The following RALGAPA2 variants were observed in gnomAD, a reference collection of about 807,000 sequenced individuals.
The protein encoded by RALGAPA2 is Ral GTPase activating protein catalytic subunit alpha 2, also known as ral GTPase-activating protein subunit alpha-2.
A neutral mutation model predicts 230.4 loss-of-function variants in RALGAPA2; 139 were observed. The ratio of observed to expected loss-of-function variants is 0.60; its 90% CI spans 0.53 to 0.69. The LOEUF (loss-of-function observed/expected upper bound fraction) is 0.69, where lower values mean the gene tolerates loss of function less well. Ranked by LOEUF, RALGAPA2 falls within the 30% of genes least tolerant of loss-of-function variation. RALGAPA2 has a pLI of 0.00. For synonymous variants in RALGAPA2, 847 were observed against 837.8 expected, an observed-to-expected ratio of 1.01 and a Z score of -0.19; for missense variants, 2,163 against 2,276.0, an observed-to-expected ratio of 0.95 and a Z score of 1.01.
At chr20:20,462,697 G>A (rs2061330971) in intron 37 of RALGAPA2, among the ~76,000 whole-genome samples, 1 of 152,186 alleles carries the variant, frequency 6.6e-6, no homozygotes, top group Non-Finnish European at 1.5e-5. Context: ...AAATTTACTT[G>A]AGTGTGTTGC....
intron 36 of RALGAPA2, among the ~76,000 whole-genome samples, chr20:20,481,919 T>C (rs1454694062): frequency 6.6e-6 from 1 of 152,154 alleles, no homozygotes; most frequent in Non-Finnish European, 1.5e-5. Flanking sequence ...CGAAAGCGTG[T>C]TGCAAATAGT....
chr20:20,532,296 C>G lies in RALGAPA2; in HGVS notation c.3474-501G>C, dbSNP rs565865537. ...AATAAATTTCACTGTTAATTCTTCT[C>G]AACAGTGTGCTAGGACCAGATATTC... On this transcript the variant is annotated intron_variant, in intron 26 of 39. Transcript: ENST00000202677. 1.8e-4 allele frequency among the ~76,000 whole-genome samples: 27 copies of G among 152,260 alleles called. No homozygotes were observed. In the South Asian group the frequency reaches 4.8e-3, roughly 27 times the overall value.
intron 10 of RALGAPA2, among the ~76,000 whole-genome samples, chr20:20,627,905 G>C (rs1396804024): frequency 7.2e-5 from 11 of 152,282 alleles, no homozygotes; most frequent in Middle Eastern, 3.4e-3. Flanking sequence ...AGGCCCCAAG[G>C]AGGCAAGTGT....
At chr20:20,452,502 C>T (rs894076837) in intron 37 of RALGAPA2, among the ~76,000 whole-genome samples, 10 of 152,214 alleles carry the variant, frequency 6.6e-5, no homozygotes, top group East Asian at 1.9e-4. Context: ...GTATCCCCAG[C>T]GGAAGGGCTG....
chr20:20,623,728 C>A (rs373978710), intron 10 of RALGAPA2, among the ~76,000 whole-genome samples: 1 of 152,308 alleles, frequency 6.6e-6, no homozygotes, highest in Non-Finnish European at 1.5e-5. Flanking sequence ...ATCTAATCTA[C>A]AATTAAACTT....
intron 37 of RALGAPA2, among the ~76,000 whole-genome samples, chr20:20,423,145 C>T (rs981925678): frequency 7.9e-5 from 12 of 152,166 alleles, no homozygotes; most frequent in African/African-American, 2.9e-4. Context: ...CTGGACATAA[C>T]CCTGGGATCA....
intron 2 of RALGAPA2, 101 bp downstream of exon 2, chr20:20,680,590 C>A: frequency 7.2e-7 from 1 of 1,391,388 alleles, no homozygotes; most frequent in Non-Finnish European, 9.3e-7. Context: ...AAAGGCTTGG[C>A]AAGAAAGAAA....
chr20:20,504,543 G>T (rs2062471193), intron 34 of RALGAPA2, among the ~76,000 whole-genome samples: 1 of 152,092 alleles, frequency 6.6e-6, no homozygotes, highest in African/African-American at 2.4e-5. Flanking sequence ...CCAACATGGT[G>T]AAACACCATC....
chr20:20,487,552 G>C lies in RALGAPA2; in HGVS notation c.5367+7565C>G, dbSNP rs192282751. Among the ~76,000 whole-genome samples the C allele has an allele frequency of 2.0e-5, 3 of 152,282 alleles. No homozygotes were observed. In the East Asian group the frequency reaches 5.8e-4, roughly 29 times the overall value. ...TTCCAATTCCAACTTAGATGAGGTA[G>C]GAGACTAGAAGGCGTTGGTATTAAG... On this transcript the variant is annotated intron_variant, in intron 36 of 39. Coordinates refer to ENST00000202677, the MANE Select transcript of RALGAPA2 (RefSeq NM_020343.4).
At chr20:20,624,648 T>C (rs1446156936) in intron 10 of RALGAPA2, among the ~76,000 whole-genome samples, 4 of 152,212 alleles carry the variant, frequency 2.6e-5, no homozygotes, top group African/African-American at 9.7e-5. Flanking sequence ...AATTTATTCA[T>C]ATTTCATAGC....
In RALGAPA2 at chr20:20,700,528, T is replaced by C. The variant is rs528231953; in HGVS notation, c.106+11847A>G. On this transcript the variant is annotated intron_variant, in intron 1 of 39. Transcript: ENST00000202677. Reference sequence around the variant, plus strand: ...TGATTGGGGGATGGGGTGGGGAATGTGACTCAGTTTTGGTTTTCATAAATT... The same window carrying C: ...TGATTGGGGGATGGGGTGGGGAATGCGACTCAGTTTTGGTTTTCATAAATT... Among the ~76,000 whole-genome samples, 48 of 152,356 alleles carry C rather than the reference T, an allele frequency of 3.2e-4. 1 individual carries two copies. The South Asian group carries it at 9.3e-3, about 30-fold the overall frequency.
rs1043157202 is a variant in RALGAPA2, at chr20:20,437,348, A to G, written c.5496-25200T>C. Among the ~76,000 whole-genome samples the G allele has an allele frequency of 1.3e-5, 2 of 151,858 alleles. No individual in the cohort carries two copies. The highest frequency in any genetic ancestry group is 2.9e-5 in the Non-Finnish European group (2 of 67,954). Reference sequence around the variant, plus strand: ...TGACCACTTGTCACCACCACACGCCACCATCCAGGCCACGCCATTGTCATT... The same window carrying G: ...TGACCACTTGTCACCACCACACGCCGCCATCCAGGCCACGCCATTGTCATT... On this transcript the variant is annotated intron_variant, in intron 37 of 39. Transcript: ENST00000202677. This position sits in a 1 kb window ranked among gnomAD's most constrained non-coding sequence, Gnocchi z 4.1.
In RALGAPA2 at chr20:20,436,702, G is replaced by A. The variant is rs73287230; in HGVS notation, c.5496-24554C>T. Among the ~76,000 whole-genome samples, 1,215 of 152,314 alleles carry A rather than the reference G, an allele frequency of 8.0e-3. 12 individuals carry two copies. Among genetic ancestry groups the A allele is most frequent in the African/African-American group, 0.028 (1,151 of 41,566 alleles). On this transcript the variant is annotated intron_variant, in intron 37 of 39. Coordinates refer to ENST00000202677, the MANE Select transcript of RALGAPA2 (RefSeq NM_020343.4). ...CTCTGCTGCCATAAGGTTGGAGGCCGAAGAGTAATCTAAATAGAAAAAAGA... is the reference window on the plus strand; with the variant it reads ...CTCTGCTGCCATAAGGTTGGAGGCCAAAGAGTAATCTAAATAGAAAAAAGA...
At chr20:20,634,211 T>G (rs1278839427) in intron 9 of RALGAPA2, among the ~76,000 whole-genome samples, 1 of 152,162 alleles carries the variant, frequency 6.6e-6, no homozygotes, top group African/African-American at 2.4e-5. Context: ...TCTCTTCTTC[T>G]TCCACCCACC....
intron 37 of RALGAPA2, among the ~76,000 whole-genome samples, chr20:20,432,322 G>A (rs1241784092): frequency 6.6e-6 from 1 of 152,212 alleles, no homozygotes; most frequent in Non-Finnish European, 1.5e-5. Context: ...GCTGCCTTGT[G>A]TCACAAACCA....
intron 1 of RALGAPA2, among the ~76,000 whole-genome samples, chr20:20,699,925 T>G (rs897777050): frequency 6.6e-5 from 10 of 152,158 alleles, no homozygotes; most frequent in African/African-American, 2.4e-4. Flanking sequence ...AAAACAGAGT[T>G]ACCATTTGAC....
chr20:20,615,766 C>T (rs1254008840), intron 13 of RALGAPA2, among the ~76,000 whole-genome samples: 1 of 102,758 alleles, frequency 9.7e-6, no homozygotes, highest in Non-Finnish European at 1.9e-5. Context: ...CCAGTTGCTG[C>T]TTTTCCACAA....
At chr20:20,530,654 C>T (rs773042601) in intron 27 of RALGAPA2, among the ~76,000 whole-genome samples, 1 of 152,298 alleles carries the variant, frequency 6.6e-6, no homozygotes, top group African/African-American at 2.4e-5. Flanking sequence ...AGTGCCGTTG[C>T]TATTATAGCT....
At chr20:20,601,436 G>A (rs147916302) in intron 16 of RALGAPA2, among the ~76,000 whole-genome samples, 225 of 152,114 alleles carry the variant, frequency 1.5e-3, no homozygotes, top group African/African-American at 5.2e-3. Context: ...TCTCTATTTC[G>A]CACAAATATC....
Sources: allele counts gnomAD v4.1 joint callset (sites outside exome capture counted in the v4.1 genomes callset), GRCh38; gene constraint gnomAD v4.1.1; non-coding constraint Gnocchi (gnomAD v3.1); transcripts MANE v1.5; gene names NCBI Gene and HGNC (gene_info 2026-07-23, HGNC 2026-07-21).